The following MGAT4C variants were observed in gnomAD, a reference collection of about 807,000 sequenced individuals.
The protein encoded by MGAT4C is alpha-1,3-mannosyl-glycoprotein 4-beta-N-acetylglucosaminyltransferase C.
Under a neutral mutation model 40.1 loss-of-function variants are expected in MGAT4C, and 19 were observed. The observed-to-expected ratio is 0.47, with a 90% CI of 0.33 to 0.70. MGAT4C has a LOEUF of 0.70. Among genes scored for constraint, MGAT4C ranks in the 30% least tolerant of loss-of-function variants. The pLI is 0.02. For synonymous variants in MGAT4C, 181 were observed against 187.1 expected (o/e 0.97, Z 0.27); for missense variants, 491 against 563.2 (o/e 0.87, Z 1.30).
intron 2 of MGAT4C, among the ~76,000 whole-genome samples, chr12:86,552,039 A>C (rs956256206): frequency 2.6e-5 from 4 of 151,558 alleles, no homozygotes; most frequent in Non-Finnish European, 2.9e-5. Flanking sequence ...AAAAAAAAAA[A>C]AAACCAAAAA....
At chr12:86,725,848 G>C (rs1360347596) in intron 2 of MGAT4C, among the ~76,000 whole-genome samples, 1 of 152,156 alleles carries the variant, frequency 6.6e-6, no homozygotes, top group Non-Finnish European at 1.5e-5. Flanking sequence ...CGACTTTATA[G>C]TAAGATGCTG....
intron 1 of MGAT4C, among the ~76,000 whole-genome samples, chr12:86,219,951 G>T (rs1036673368): frequency 1.2e-4 from 18 of 152,024 alleles, no homozygotes; most frequent in African/African-American, 4.4e-4. Flanking sequence ...TTCATGTCCT[G>T]CCAACTGATG....
chr12:86,447,213 C>T (rs1957355583), intron 2 of MGAT4C, among the ~76,000 whole-genome samples: 1 of 152,124 alleles, frequency 6.6e-6, no homozygotes, highest in Non-Finnish European at 1.5e-5. Flanking sequence ...GCAACCTTTG[C>T]CTCCCAGGTT....
chr12:86,496,436 G>A (rs1592918441), intron 2 of MGAT4C, among the ~76,000 whole-genome samples: 1 of 152,000 alleles, frequency 6.6e-6, no homozygotes, highest in East Asian at 1.9e-4. Flanking sequence ...AGCTCTCACA[G>A]GAAAATACTG....
At chr12:86,612,229 A>G (rs193169340) in intron 2 of MGAT4C, among the ~76,000 whole-genome samples, 1 of 152,242 alleles carries the variant, frequency 6.6e-6, no homozygotes, top group Non-Finnish European at 1.5e-5. Flanking sequence ...ATTTTATTAT[A>G]ATATTTTCTA....
chr12:86,335,027 T>C (rs550719136), intron 3 of MGAT4C, among the ~76,000 whole-genome samples: 14 of 149,556 alleles, frequency 9.4e-5, no homozygotes, highest in African/African-American at 3.3e-4. Context: ...TTCCCCAGTT[T>C]ATTTAAATTA....
intron 2 of MGAT4C, among the ~76,000 whole-genome samples, chr12:86,488,284 G>C (rs1315376140): frequency 2.6e-5 from 4 of 151,576 alleles, no homozygotes; most frequent in Non-Finnish European, 5.9e-5. Context: ...AAATTAGCTG[G>C]GCATGGTGGC....
At chr12:86,137,718 T>C (rs1184273487) in intron 1 of MGAT4C, among the ~76,000 whole-genome samples, 1 of 152,204 alleles carries the variant, frequency 6.6e-6, no homozygotes, top group African/African-American at 2.4e-5. Context: ...TTTTATCATA[T>C]CTGCATACCT....
Position 86,385,932 on chromosome 12 carries a change from A to G in MGAT4C, c.-120+49225T>C. ...CATCAGTAATTATTTTTTATTTTTT[A>G]TTTATTTATTTTTTTTGAGACGGAG... On this transcript the variant is annotated intron_variant, in intron 3 of 7. Coordinates refer to the MGAT4C transcript ENST00000548651. Among the ~76,000 whole-genome samples, 4 of 151,768 alleles carry G rather than the reference A, an allele frequency of 2.6e-5. 1 individual carries two copies. In the Middle Eastern group the frequency reaches 0.014, roughly 520 times the overall value.
At position 86,650,506 on chromosome 12, in the gene MGAT4C, A is replaced by C. The variant is rs1277964644; in HGVS notation, c.-229+76703T>G. Among the ~76,000 whole-genome samples, 3 of 151,876 alleles carry C rather than the reference A, an allele frequency of 2.0e-5. No individual in the cohort carries two copies. The East Asian group carries it at 5.8e-4, about 30-fold the overall frequency. On this transcript the variant is annotated intron_variant, in intron 2 of 7. Coordinates refer to the MGAT4C transcript ENST00000548651. Reference sequence around the variant, plus strand: ...CACAGCAGTGACACATTTAAATACCAAGTGCTGCAGAAAAGTGCCACTAGC... The same window carrying C: ...CACAGCAGTGACACATTTAAATACCCAGTGCTGCAGAAAAGTGCCACTAGC...
chr12:86,803,753 A>C (rs1261804683), intron 1 of MGAT4C, among the ~76,000 whole-genome samples: 1 of 149,982 alleles, frequency 6.7e-6, no homozygotes, highest in Non-Finnish European at 1.5e-5. Context: ...AATCATTAAA[A>C]AGTCAGGAAA....
chr12:86,038,785 T>C (rs1891502739), intron 2 of MGAT4C, among the ~76,000 whole-genome samples: 1 of 149,982 alleles, frequency 6.7e-6, no homozygotes, highest in South Asian at 2.1e-4. Flanking sequence ...TAATGCTAGC[T>C]GGGTATTTTG....
At chr12:86,040,169 C>A (rs959102646) in intron 2 of MGAT4C, among the ~76,000 whole-genome samples, 2 of 152,216 alleles carry the variant, frequency 1.3e-5, no homozygotes, top group Non-Finnish European at 2.9e-5. Flanking sequence ...TGTCTGTCAG[C>A]CCCTACTGGG....
intron 1 of MGAT4C, among the ~76,000 whole-genome samples, chr12:86,135,586 G>A (rs1422810484): frequency 6.6e-6 from 1 of 152,108 alleles, no homozygotes; most frequent in African/African-American, 2.4e-5. Flanking sequence ...GGATAGTTAT[G>A]AACTATACCT....
chr12:86,710,825 A>T (rs1295459543), intron 2 of MGAT4C, among the ~76,000 whole-genome samples: 2 of 152,202 alleles, frequency 1.3e-5, no homozygotes, highest in Non-Finnish European at 2.9e-5. Context: ...AACATGTGGT[A>T]TATATACACC....
chr12:86,282,649 A>G (rs1366139756), intron 4 of MGAT4C, among the ~76,000 whole-genome samples: 1 of 152,092 alleles, frequency 6.6e-6, no homozygotes, highest in Non-Finnish European at 1.5e-5. Context: ...TATATTGTTC[A>G]GTATCTAATT....
intron 1 of MGAT4C, among the ~76,000 whole-genome samples, chr12:86,107,977 GA>G (rs1450423879): frequency 1.3e-5 from 2 of 152,128 alleles, no homozygotes; most frequent in Non-Finnish European, 2.9e-5. Context: ...GAATAAAGCA[GA>G]GGGGGAATTA....
chr12:86,651,234 T>C (rs574125185), intron 2 of MGAT4C, among the ~76,000 whole-genome samples: 10 of 152,018 alleles, frequency 6.6e-5, no homozygotes, highest in East Asian at 1.9e-4. Flanking sequence ...TTCTTCTTCA[T>C]GGTATATTAA....
intron 2 of MGAT4C, among the ~76,000 whole-genome samples, chr12:86,038,216 G>A (rs919972750): frequency 6.7e-6 from 1 of 149,824 alleles, no homozygotes. Flanking sequence ...TTGAGATAAT[G>A]GGGAGCATGT....
Sources: gnomAD v4.1 joint callset for allele counts (sites outside exome capture counted in the v4.1 genomes callset) on GRCh38, gnomAD v4.1.1 for gene constraint, MANE v1.5 for transcripts, NCBI Gene and HGNC (gene_info 2026-07-23, HGNC 2026-07-21) for gene names.